The following CHRM2 variants were observed in gnomAD, a reference collection of about 807,000 sequenced individuals.
CHRM2 encodes cholinergic receptor muscarinic 2, also known as muscarinic acetylcholine receptor M2.
A neutral mutation model predicts 25.0 loss-of-function variants in CHRM2; 8 were observed. That is an observed-to-expected ratio of 0.32 (90% CI 0.19 to 0.58). CHRM2 has a LOEUF of 0.58. Among genes scored for constraint, CHRM2 ranks in the 20% least tolerant of loss-of-function variants. CHRM2 has a pLI of 0.88. For synonymous variants in CHRM2, 202 were observed against 205.7 expected (o/e 0.98, Z 0.15); for missense variants, 440 against 567.1 (o/e 0.78, Z 2.28).
chr7:136,887,052 C>T (rs1796496081), intron 2 of CHRM2, among the ~76,000 whole-genome samples: 1 of 152,068 alleles, frequency 6.6e-6, no homozygotes, highest in African/African-American at 2.4e-5. Flanking sequence ...ATCTAATGTA[C>T]AGCATGAGGA....
At chr7:136,877,208 T>A (rs915871579) in intron 2 of CHRM2, among the ~76,000 whole-genome samples, 3 of 152,046 alleles carry the variant, frequency 2.0e-5, no homozygotes, top group Admixed American at 1.3e-4. Context: ...AGCCGGAGAC[T>A]TTTTGATTTG....
chr7:136,916,251 A>G (rs537174566), intron 2 of CHRM2, among the ~76,000 whole-genome samples: 22 of 152,054 alleles, frequency 1.4e-4, no homozygotes, highest in African/African-American at 5.3e-4. Flanking sequence ...CATAACTAAA[A>G]TCAAATCTTG....
At chr7:136,953,553 A>G (rs565369467) in intron 2 of CHRM2, among the ~76,000 whole-genome samples, 1 of 152,242 alleles carries the variant, frequency 6.6e-6, no homozygotes. Flanking sequence ...CACATGCCAA[A>G]TTACTCATTC....
intron 2 of CHRM2, chr7:136,899,963 T>C (rs1232329617): frequency 6.6e-6 from 1 of 152,126 alleles, no homozygotes; most frequent in Non-Finnish European, 1.5e-5. Flanking sequence ...GAAAATTATC[T>C]AGAATAATCA....
At chr7:136,890,893 A>G (rs1441091952) in intron 2 of CHRM2, among the ~76,000 whole-genome samples, 1 of 151,988 alleles carries the variant, frequency 6.6e-6, no homozygotes. Flanking sequence ...GTGTGTGTAT[A>G]TGTGTGTGGC....
intron 2 of CHRM2, among the ~76,000 whole-genome samples, chr7:136,882,089 T>C (rs62485223): frequency 0.13 from 20,286 of 152,058 alleles, 1,542 homozygotes; most frequent in Non-Finnish European, 0.18. Flanking sequence ...TTAGTACTCC[T>C]CTGAGGTGTT....
At chr7:136,900,732 A>T (rs1372458874) in intron 2 of CHRM2, among the ~76,000 whole-genome samples, 1 of 152,068 alleles carries the variant, frequency 6.6e-6, no homozygotes, top group African/African-American at 2.4e-5. Context: ...AAGAATTGTT[A>T]TTTAAAGCCT....
intron 2 of CHRM2, among the ~76,000 whole-genome samples, chr7:136,897,505 T>C (rs139004447): frequency 0.012 from 1,802 of 152,242 alleles, 23 homozygotes; most frequent in Non-Finnish European, 0.016. Context: ...AGATTTGCAA[T>C]ATATGAGCTC....
intron 2 of CHRM2, among the ~76,000 whole-genome samples, chr7:136,946,992 C>T (rs1274215278): frequency 6.6e-6 from 1 of 152,120 alleles, no homozygotes; most frequent in Non-Finnish European, 1.5e-5. Context: ...CCCAGGGGAG[C>T]AAAAGGTTTA....
At chr7:136,879,945 G>GA (rs1204884505) in intron 2 of CHRM2, among the ~76,000 whole-genome samples, 6 of 150,722 alleles carry the variant, frequency 4.0e-5, no homozygotes, top group Admixed American at 6.6e-5. Flanking sequence ...CGTTTTCATG[G>GA]AAAAAAAACA....
chr7:136,958,503 T>C (rs2130882286), intron 2 of CHRM2, among the ~76,000 whole-genome samples: 1 of 143,170 alleles, frequency 7.0e-6, no homozygotes, highest in South Asian at 2.2e-4. Context: ...TTGCCCAGGC[T>C]GGAGTGCAGT....
chr7:137,005,061 T>C (rs542038785), intron 3 of CHRM2, among the ~76,000 whole-genome samples: 3 of 152,210 alleles, frequency 2.0e-5, no homozygotes, highest in East Asian at 3.9e-4. Context: ...ATTTCTGTCA[T>C]TGAAAAGCTA....
At chr7:136,894,120 T>C (rs919307847) in intron 2 of CHRM2, among the ~76,000 whole-genome samples, 1 of 152,098 alleles carries the variant, frequency 6.6e-6, no homozygotes, top group African/African-American at 2.4e-5. Context: ...TCACTGCATA[T>C]TAATCATCAT....
intron 2 of CHRM2, among the ~76,000 whole-genome samples, chr7:136,945,981 T>C (rs937728605): frequency 5.9e-5 from 9 of 152,106 alleles, no homozygotes; most frequent in Admixed American, 1.3e-4. Context: ...GATTGAAAAA[T>C]AGCAGTATGT....
intron 2 of CHRM2, among the ~76,000 whole-genome samples, chr7:136,959,911 AAAAAACAAAAAC>A: frequency 6.6e-6 from 1 of 152,238 alleles, no homozygotes; most frequent in Middle Eastern, 3.4e-3. Flanking sequence ...AACTCCGTCC[AAAAAACAAAAAC>A]AAAAACAAAA....
intron 2 of CHRM2, among the ~76,000 whole-genome samples, chr7:136,878,438 GCAACTGGGTATCATT>G (rs1304117075): frequency 1.3e-5 from 2 of 151,776 alleles, no homozygotes; most frequent in African/African-American, 4.8e-5. Context: ...ATTCTCTCTG[GCAACTGGGTATCATT>G]CAACAGTAAA....
chr7:137,003,775 T>C (rs935077721), intron 3 of CHRM2, among the ~76,000 whole-genome samples: 5 of 152,150 alleles, frequency 3.3e-5, no homozygotes, highest in African/African-American at 9.7e-5. Context: ...TCATTTTGAA[T>C]TGTAGTTCCC....
chr7:136,889,104 A>G (rs1796593687), intron 2 of CHRM2, among the ~76,000 whole-genome samples: 1 of 149,212 alleles, frequency 6.7e-6, no homozygotes, highest in South Asian at 2.1e-4. Flanking sequence ...GAACTTTTCT[A>G]TCAATCATGT....
chr7:136,955,709 A>G (rs553381719), intron 2 of CHRM2, among the ~76,000 whole-genome samples: 1 of 152,348 alleles, frequency 6.6e-6, no homozygotes, highest in Non-Finnish European at 1.5e-5. Context: ...GAATTTTGGA[A>G]TAACTATCTT....
Sources: allele counts gnomAD v4.1 joint callset (sites outside exome capture counted in the v4.1 genomes callset), GRCh38; gene constraint gnomAD v4.1.1; transcripts MANE v1.5; gene names NCBI Gene and HGNC (gene_info 2026-07-23, HGNC 2026-07-21).